The following DMD variants were observed in gnomAD, a reference collection of about 807,000 sequenced individuals.
The protein encoded by DMD is dystrophin, also known as mutant dystrophin.
A neutral mutation model predicts 330.1 loss-of-function variants in DMD; 63 were observed. The observed-to-expected ratio is 0.19, with a 90% CI of 0.16 to 0.24. DMD has a LOEUF of 0.24. Ranked by LOEUF, DMD falls within the 10% of genes least tolerant of loss-of-function variation. DMD has a pLI of 1.00. For synonymous variants in DMD, 1,223 were observed against 959.8 expected, an observed-to-expected ratio of 1.27 and a Z score of -5.07; for missense variants, 3,344 against 2,684.1, an observed-to-expected ratio of 1.25 and a Z score of -5.43.
At chrX:32,641,635 A>G in intron 11 of DMD, 1 of 158,622 alleles carries the variant, frequency 6.3e-6, no homozygotes, top group Non-Finnish European at 1.4e-5. Context: ...GCTTATCTGT[A>G]TTTACAAGAA....
At chrX:32,710,208 A>G (rs1186783774) in intron 7 of DMD, among the ~76,000 whole-genome samples, 1 of 110,602 alleles carries the variant, frequency 9.0e-6, no homozygotes, top group Non-Finnish European at 1.9e-5. Context: ...AGTTAAGAAT[A>G]CAGCCCAAGG....
At chrX:32,086,833 C>T (rs1042450256) in intron 44 of DMD, among the ~76,000 whole-genome samples, 14 of 111,024 alleles carry the variant, frequency 1.3e-4, no homozygotes, top group African/African-American at 3.6e-4. Context: ...AAAAGTCTTC[C>T]GAAGAAAAAG....
intron 53 of DMD, among the ~76,000 whole-genome samples, chrX:31,669,398 T>C (rs1208655575): frequency 8.9e-6 from 1 of 112,247 alleles, no homozygotes; most frequent in Non-Finnish European, 1.9e-5. Flanking sequence ...CGTTAGCTAT[T>C]TGTACATCTT....
At chrX:32,296,114 G>A (rs1014106067) in intron 42 of DMD, among the ~76,000 whole-genome samples, 6 of 112,134 alleles carry the variant, frequency 5.4e-5, no homozygotes, top group African/African-American at 1.3e-4. Flanking sequence ...AATAGCAGCC[G>A]GGCGCGGTGG....
chrX:32,724,117 A>C (rs1388192631), intron 7 of DMD, among the ~76,000 whole-genome samples: 1 of 112,358 alleles, frequency 8.9e-6, no homozygotes, highest in Non-Finnish European at 1.9e-5. Flanking sequence ...AATACATTTA[A>C]ATGGTGCAAT....
chrX:32,527,843 T>C (rs776716954), intron 17 of DMD, among the ~76,000 whole-genome samples: 1 of 111,298 alleles, frequency 9.0e-6, no homozygotes, highest in East Asian at 2.8e-4. Flanking sequence ...ATAGTTTGTA[T>C]ACACACACAC....
At chrX:32,679,356 G>C (rs970132680) in intron 9 of DMD, among the ~76,000 whole-genome samples, 1 of 110,034 alleles carries the variant, frequency 9.1e-6, no homozygotes, top group Non-Finnish European at 1.9e-5. Flanking sequence ...TTTGTGAAAA[G>C]ATAGACTGGC....
intron 47 of DMD, among the ~76,000 whole-genome samples, chrX:31,907,599 T>C (rs986147064): frequency 5.4e-5 from 6 of 111,989 alleles, no homozygotes; most frequent in African/African-American, 1.6e-4. Context: ...ATGTTAGACC[T>C]AAAACCATAA....
intron 2 of DMD, among the ~76,000 whole-genome samples, chrX:32,903,758 T>C (rs1021906775): frequency 8.9e-6 from 1 of 111,940 alleles, no homozygotes; most frequent in African/African-American, 3.2e-5. Context: ...GATATTATCA[T>C]TATAATATAG....
rs763410681 is a variant in DMD at position 33,331,824 on chromosome X, T to C, written c.7+7435A>G. Among the ~76,000 whole-genome samples, 9 of 111,666 alleles carry C rather than the reference T, an allele frequency of 8.1e-5. No individual in the cohort carries two copies. The South Asian group carries it at 3.4e-3, about 42-fold the overall frequency. ...ATTTACTGCAGTGCACTTTAGGCTG[T>C]AACCCCAAAGCTCAAGAAAATAAGT... is the stretch of plus-strand genomic sequence containing the variant. On this transcript the variant is annotated intron_variant, in intron 1 of 17. Coordinates refer to the DMD transcript ENST00000288447.
chrX:33,124,325 CAT>C (rs2095444602), intron 1 of DMD, among the ~76,000 whole-genome samples: 1 of 106,529 alleles, frequency 9.4e-6, no homozygotes, highest in Non-Finnish European at 1.9e-5. Context: ...AAAATACAAA[CAT>C]TAGCTGGGCG....
At chrX:32,687,339 T>C (rs750939117) in intron 9 of DMD, among the ~76,000 whole-genome samples, 5 of 112,047 alleles carry the variant, frequency 4.5e-5, no homozygotes, top group African/African-American at 1.3e-4. Context: ...TTTTTTAAGA[T>C]GGATACAATA....
chrX:33,147,431 C>G lies in DMD; in HGVS notation c.31+63851G>C, dbSNP rs777518676. Among the ~76,000 whole-genome samples, 16 of 112,002 alleles carry G rather than the reference C, an allele frequency of 1.4e-4. No individual in the cohort carries two copies. The East Asian group carries it at 3.9e-3, about 27-fold the overall frequency. ...TCCGGAATGGCAGTTGACACATTCC[C>G]CTGCTCAATAGCCCTGATATTTATA... On this transcript the variant is annotated intron_variant, in intron 1 of 78. Coordinates refer to ENST00000357033, the MANE Select transcript of DMD (RefSeq NM_004006.3).
intron 1 of DMD, among the ~76,000 whole-genome samples, chrX:33,063,154 T>G (rs2094603016): frequency 8.9e-6 from 1 of 111,876 alleles, no homozygotes; most frequent in South Asian, 3.7e-4. Flanking sequence ...TACAAATAAT[T>G]TGAGTTTTAA....
At chrX:32,756,733 G>T (rs185018131) in intron 7 of DMD, among the ~76,000 whole-genome samples, 1 of 111,914 alleles carries the variant, frequency 8.9e-6, no homozygotes, top group Admixed American at 9.5e-5. Context: ...AGCACTCCAA[G>T]CTACTTATTA....
chrX:31,362,795 A>G (rs1259881172), intron 60 of DMD, among the ~76,000 whole-genome samples: 3 of 112,024 alleles, frequency 2.7e-5, no homozygotes, highest in Non-Finnish European at 5.6e-5. Flanking sequence ...ACACAAAAAA[A>G]TTAAATTAGC....
At chrX:31,896,130 T>G (rs2083471191) in intron 47 of DMD, among the ~76,000 whole-genome samples, 1 of 98,474 alleles carries the variant, frequency 1.0e-5, no homozygotes, top group Non-Finnish European at 2.1e-5. Flanking sequence ...TTGTACAAGA[T>G]AACTTGAATG....
At chrX:33,164,553 G>T (rs747032751) in intron 1 of DMD, among the ~76,000 whole-genome samples, 1 of 111,966 alleles carries the variant, frequency 8.9e-6, no homozygotes, top group East Asian at 2.8e-4. Flanking sequence ...AAGAAGAATC[G>T]TGTGTCTATA....
intron 44 of DMD, chrX:32,206,314 C>T (rs191700520): frequency 4.9e-4 from 271 of 549,579 alleles, no homozygotes; most frequent in Admixed American, 1.6e-3. Flanking sequence ...GGAAAGCGAT[C>T]TGCTCCTGGA....
Sources: allele counts gnomAD v4.1 joint callset (sites outside exome capture counted in the v4.1 genomes callset), GRCh38; gene constraint gnomAD v4.1.1; transcripts MANE v1.5; gene names NCBI Gene and HGNC (gene_info 2026-07-23, HGNC 2026-07-21).